Variants in FKBP5 observed in about 807,000 individuals in gnomAD.
FKBP5 encodes FKBP prolyl isomerase 5.
FKBP5 carries 23 observed loss-of-function variants against 50.5 expected under a neutral mutation model. That is an observed-to-expected ratio of 0.46 (90% CI 0.33 to 0.65). The LOEUF (loss-of-function observed/expected upper bound fraction) is 0.65, where lower values mean the gene tolerates loss of function less well. Among genes scored for constraint, FKBP5 ranks in the 30% least tolerant of loss-of-function variants. FKBP5 has a pLI of 0.02. For synonymous variants in FKBP5, 176 were observed against 190.6 expected (o/e 0.92, Z 0.63); for missense variants, 411 against 553.1 (o/e 0.74, Z 2.58).
intron 5 of FKBP5, among the ~76,000 whole-genome samples, chr6:35,612,836 G>A (rs894655185): frequency 1.3e-5 from 2 of 152,200 alleles, no homozygotes; most frequent in African/African-American, 2.4e-5. Flanking sequence ...TCCTTCCCAC[G>A]ACACGTGGGG....
intron 1 of FKBP5, among the ~76,000 whole-genome samples, chr6:35,666,859 G>C (rs2151002518): frequency 6.6e-6 from 1 of 152,128 alleles, no homozygotes; most frequent in African/African-American, 2.4e-5. Flanking sequence ...CTCCAGCCTG[G>C]GCGACAGAGC....
chr6:35,612,151 G>T (rs1763511438), intron 5 of FKBP5, among the ~76,000 whole-genome samples: 1 of 152,134 alleles, frequency 6.6e-6, no homozygotes, highest in African/African-American at 2.4e-5. Flanking sequence ...AGCACTTAGG[G>T]AGGCCAAGGT....
intron 2 of FKBP5, among the ~76,000 whole-genome samples, chr6:35,711,317 G>A (rs75561876): frequency 3.4e-3 from 449 of 132,702 alleles, no homozygotes; most frequent in Non-Finnish European, 4.1e-3. Context: ...TGTCTCAAAA[G>A]AAAAAAAAAA....
intron 5 of FKBP5, among the ~76,000 whole-genome samples, chr6:35,608,468 G>C (rs999344674): frequency 6.6e-6 from 1 of 152,168 alleles, no homozygotes; most frequent in Admixed American, 6.5e-5. Flanking sequence ...GCTGAAGCAG[G>C]CTGATCGCTT....
At chr6:35,714,474 A>C (rs763870278) in intron 2 of FKBP5, among the ~76,000 whole-genome samples, 3 of 148,060 alleles carry the variant, frequency 2.0e-5, no homozygotes, top group Non-Finnish European at 3.0e-5. Flanking sequence ...AAAAGAAAAG[A>C]AAAACAAGAT....
intron 2 of FKBP5, 101 bp from the exon 3 acceptor site, chr6:35,637,259 T>C: frequency 1.0e-6 from 1 of 988,970 alleles, no homozygotes; most frequent in Non-Finnish European, 1.5e-6. Context: ...CAGGCAGATA[T>C]GCAAATATAC....
chr6:35,605,035 G>A (rs1284512124), intron 5 of FKBP5, among the ~76,000 whole-genome samples: 1 of 151,974 alleles, frequency 6.6e-6, no homozygotes, highest in Non-Finnish European at 1.5e-5. Flanking sequence ...CACGTGCCTC[G>A]GCCTCCCAAA....
At chr6:35,683,129 T>C (rs1312964996) in intron 1 of FKBP5, among the ~76,000 whole-genome samples, 62 of 45,794 alleles carry the variant, frequency 1.4e-3, no homozygotes, top group African/African-American at 6.5e-3. Flanking sequence ...TATGTGTGTG[T>C]GTGTGTGTGT....
chr6:35,667,019 CTGTGTGTGTGTGTGTGTGTGTGTG>C (rs35407744), intron 1 of FKBP5, among the ~76,000 whole-genome samples: 1 of 148,790 alleles, frequency 6.7e-6, no homozygotes, highest in African/African-American at 2.5e-5. Context: ...GTGTGTGTGT[CTGTGTGTGTGTGTGTGTGTGTGTG>C]TGTGTGTGTG....
intron 1 of FKBP5, among the ~76,000 whole-genome samples, chr6:35,651,638 T>TA (rs1455400091): frequency 6.6e-6 from 1 of 152,232 alleles, no homozygotes; most frequent in African/African-American, 2.4e-5. Context: ...ATCCAAGTCT[T>TA]ACTTCTGATT....
intron 1 of FKBP5, among the ~76,000 whole-genome samples, chr6:35,680,556 G>A (rs1765638328): frequency 6.6e-6 from 1 of 152,152 alleles, no homozygotes; most frequent in South Asian, 2.1e-4. Context: ...AGCCATTATT[G>A]TTTAAGCTAT....
chr6:35,667,590 A>C (rs1765267690), intron 1 of FKBP5, among the ~76,000 whole-genome samples: 1 of 152,244 alleles, frequency 6.6e-6, no homozygotes, highest in Non-Finnish European at 1.5e-5. Context: ...AATAAGAAGT[A>C]ACCTAGTTGG....
chr6:35,709,449 T>C (rs1766377901), intron 2 of FKBP5, among the ~76,000 whole-genome samples: 1 of 152,244 alleles, frequency 6.6e-6, no homozygotes, highest in Admixed American at 6.5e-5. Flanking sequence ...AAGATATAAC[T>C]ATGTTCGCAT....
intron 5 of FKBP5, among the ~76,000 whole-genome samples, chr6:35,611,391 A>G (rs1343982379): frequency 6.6e-6 from 1 of 152,216 alleles, no homozygotes; most frequent in East Asian, 1.9e-4. Context: ...CATTCTTTGC[A>G]TTCAAATGTG....
At chr6:35,726,548 AC>A (rs1766716400) in intron 1 of FKBP5, among the ~76,000 whole-genome samples, 9 of 107,412 alleles carry the variant, frequency 8.4e-5, no homozygotes, top group Admixed American at 6.0e-4. Context: ...ACACACACAC[AC>A]ACACACACAC....
chr6:35,685,276 T>G (rs1765790958), intron 1 of FKBP5, among the ~76,000 whole-genome samples: 1 of 152,340 alleles, frequency 6.6e-6, no homozygotes, highest in Admixed American at 6.5e-5. Context: ...TTTTACATAG[T>G]AAATAAACAT....
intron 1 of FKBP5, among the ~76,000 whole-genome samples, chr6:35,643,875 C>T (rs1274174513): frequency 6.6e-6 from 1 of 152,144 alleles, no homozygotes; most frequent in African/African-American, 2.4e-5. Flanking sequence ...AAGGTCCATG[C>T]TTTGTTCATA....
chr6:35,670,673 A>G (rs918327628), intron 1 of FKBP5, among the ~76,000 whole-genome samples: 1 of 151,886 alleles, frequency 6.6e-6, no homozygotes, highest in Non-Finnish European at 1.5e-5. Context: ...CGGAGGTTGC[A>G]GTGAGAAAAG....
intron 5 of FKBP5, among the ~76,000 whole-genome samples, chr6:35,612,262 G>C (rs995465665): frequency 2.6e-5 from 4 of 152,136 alleles, no homozygotes; most frequent in African/African-American, 7.2e-5. Context: ...GTGGTGGCAC[G>C]TGCCTGTAGT....
Sources: allele counts gnomAD v4.1 joint callset (sites outside exome capture counted in the v4.1 genomes callset), GRCh38; gene constraint gnomAD v4.1.1; transcripts MANE v1.5; gene names NCBI Gene and HGNC (gene_info 2026-07-23, HGNC 2026-07-21).